Variants in LMNB2 observed in about 807,000 individuals in gnomAD.
LMNB2 encodes the protein lamin B2.
In LMNB2, 17 loss-of-function variants were observed where a neutral mutation model predicts 69.3. That is an observed-to-expected ratio of 0.25 (90% confidence interval 0.17 to 0.37). LMNB2 has a LOEUF of 0.37. LMNB2 is among the 10% of genes least tolerant of loss of function. LMNB2 has a pLI of 1.00. For synonymous variants in LMNB2, 397 were observed against 389.3 expected, an observed-to-expected ratio of 1.02 and a Z score of -0.23; for missense variants, 789 against 883.6, an observed-to-expected ratio of 0.89 and a Z score of 1.36.
intron 4 of LMNB2, among the ~76,000 whole-genome samples, chr19:2,435,554 G>C (rs1198684783): frequency 6.6e-6 from 1 of 152,188 alleles, no homozygotes; most frequent in East Asian, 1.9e-4. Context: ...GCTGGGGACT[G>C]CTGATGGGGA....
At chr19:2,434,255 C>A (rs1300730258) in intron 7 of LMNB2, 40 bp downstream of exon 7, 4 of 1,606,152 alleles carry the variant, frequency 2.5e-6, no homozygotes, top group Non-Finnish European at 3.4e-6. Context: ...CCTGCCCCTC[C>A]TCCTCACTCT....
rs931323854 is a variant in LMNB2, at chr19:2,429,491, G to A, written c.*1420C>T. On this transcript the variant is annotated 3_prime_UTR_variant, in exon 12 of 12. Transcript: ENST00000325327. ...TCGGCCGCTGGCTCCTTCCCGGCCT[G>A]GGGCTGGGGCCCCCCATTCCTTCCT... The A allele has an allele frequency of 6.6e-6, 1 of 152,262 alleles. No homozygotes were observed. Among genetic ancestry groups the A allele is most frequent in the Non-Finnish European group, 1.5e-5 (1 of 68,046 alleles). 9.4% of individuals were successfully genotyped at this position (152,262 alleles called of 1,614,324 possible). A position where few individuals can be genotyped will look rare whatever the true frequency, so the allele number is the denominator to read the frequency against.
At chr19:2,448,520 G>C (rs887557188) in intron 1 of LMNB2, among the ~76,000 whole-genome samples, 1 of 152,226 alleles carries the variant, frequency 6.6e-6, no homozygotes, top group African/African-American at 2.4e-5. Flanking sequence ...GGCATGCTGA[G>C]CACCCCCAGA....
intron 2 of LMNB2, among the ~76,000 whole-genome samples, chr19:2,440,973 G>C (rs114694981): frequency 0.031 from 4,673 of 152,292 alleles, 259 homozygotes; most frequent in African/African-American, 0.11. Flanking sequence ...TCCCTGCCTA[G>C]GATCCGTAAT....
At position 2,438,148 on chromosome 19, in the gene LMNB2, A is replaced by C. The variant is rs752623930; in HGVS notation, c.684+15T>G. On this transcript the variant is annotated intron_variant, in intron 4 of 11. Coordinates refer to ENST00000325327, the MANE Select transcript of LMNB2 (RefSeq NM_032737.4). Reference sequence around the variant, plus strand: ...TTTCCGCTGTGCCAGGCTGGAGGCCAGGCCACTCACTCACCTCCTCGAACA... The same window carrying C: ...TTTCCGCTGTGCCAGGCTGGAGGCCCGGCCACTCACTCACCTCCTCGAACA... 10 of 1,613,602 alleles carry C rather than the reference A, an allele frequency of 6.2e-6. No homozygotes were observed. The highest frequency in any genetic ancestry group is 8.5e-6 in the Non-Finnish European group (10 of 1,180,024).
In LMNB2 at chr19:2,434,492, A is replaced by T; in HGVS notation, c.1005T>A (p.Ile335=). 6.2e-7 allele frequency: 1 copy of T among 1,612,904 alleles called. No homozygotes were observed. The highest frequency in any genetic ancestry group is 1.3e-5 in the African/African-American group (1 of 75,026). ...CGGCCATGGCCTCCTCCAGCTCCCGAATGCGATCTTCAGCGGCACTGGCCT... is the reference window on the plus strand; with the variant it reads ...CGGCCATGGCCTCCTCCAGCTCCCGTATGCGATCTTCAGCGGCACTGGCCT... The part of the protein sequence containing the change: ...QKQASAAEDR[I]RELEEAMAGE... Residue 335 remains isoleucine, a synonymous_variant, in exon 7 of 12, where the codon ATT becomes ATA. Transcript: ENST00000325327.
chr19:2,432,795 A>C, intron 8 of LMNB2, among the ~76,000 whole-genome samples: 1 of 135,734 alleles, frequency 7.4e-6, no homozygotes, highest in African/African-American at 2.9e-5. Flanking sequence ...CCTGCCTCGC[A>C]TTGGCCGGCA....
rs541848131 is a variant in LMNB2, at chr19:2,446,785, G to A, written c.265-2245C>T. Among the ~76,000 whole-genome samples, 75 of 152,210 alleles carry A rather than the reference G, an allele frequency of 4.9e-4. No individual in the cohort carries two copies. In the South Asian group the frequency reaches 7.7e-3, roughly 16 times the overall value. On this transcript the variant is annotated intron_variant, in intron 1 of 11. Transcript: ENST00000325327. ...GAGTCACAGAGCCACCCTGTGACCC[G>A]GTAACTCCACTCCTGGGTGTGGACC...
chr19:2,441,531 C>T (rs1003959421), intron 2 of LMNB2, among the ~76,000 whole-genome samples: 12 of 152,226 alleles, frequency 7.9e-5, no homozygotes, highest in South Asian at 2.1e-4. Context: ...CAGAGGGCTG[C>T]GAGCCCTGCG....
At chr19:2,440,919 T>A (rs1486358968) in intron 2 of LMNB2, among the ~76,000 whole-genome samples, 1 of 152,226 alleles carries the variant, frequency 6.6e-6, no homozygotes, top group Non-Finnish European at 1.5e-5. Context: ...TCCTTCCTTG[T>A]GTGACCCGGG....
chr19:2,434,434 C>T lies in LMNB2; in HGVS notation c.1063G>A (p.Ala355Thr), dbSNP rs143717863. ...ATCTCCGTCATCTCCTGCTCCTTGG[C>T]GTCCAGCATCTTCCGGAACTTGTCC... ...ERDKFRKMLD[A>T]KEQEMTEMRD... The change falls in exon 7 of 12, where the codon GCC becomes ACC. Residue 355 changes from alanine to threonine, a missense_variant. This residue lies in a region of LMNB2 where 609 missense variants were observed against 630.9 expected (regional missense o/e 0.97). Coordinates refer to ENST00000325327, the MANE Select transcript of LMNB2 (RefSeq NM_032737.4). 111 of 1,613,364 alleles carry T rather than the reference C, an allele frequency of 6.9e-5. No individual in the cohort carries two copies. The highest frequency in any genetic ancestry group is 1.6e-4 in the Middle Eastern group (1 of 6,084).
rs149126950 is a variant in LMNB2 at position 2,431,864 on chromosome 19, G to A, written c.1629C>T (p.Pro543=). The A allele has an allele frequency of 3.3e-5, 53 of 1,612,892 alleles. No homozygotes were observed. In the African/African-American group the frequency reaches 5.9e-4, roughly 18 times the overall value. ...AAGAGVAHSP[P]STLVWKGQSS... Reference sequence around the variant, plus strand: ...TCTGGCCCTTCCACACCAGCGTCGAGGGGGGGCTGTGGGCCACCCCCGCAC... The same window carrying A: ...TCTGGCCCTTCCACACCAGCGTCGAAGGGGGGCTGTGGGCCACCCCCGCAC... Residue 543 remains proline, a synonymous_variant, in exon 10 of 12, where the codon CCC becomes CCT. Transcript: ENST00000325327.
rs375961613 is a variant in LMNB2 at position 2,438,505 on chromosome 19, G to A, written c.428C>T (p.Thr143Met). The stretch of plus-strand genomic sequence containing the variant: ...GTCCTTCACACGGCCCTGGGCCACC[G>A]TAAGCTCGCCCTCCCTCTTCTTGGC... The part of the protein sequence containing the change: ...KSAKKREGEL[T>M]VAQGRVKDLE... Residue 143 changes from threonine (T) to methionine (M), a missense_variant, in exon 3 of 12, where the codon ACG becomes ATG. Physicochemically the swap from Thr to Met is moderately conservative, Grantham distance 81. Around this residue, in one of 3 missense-constraint regions of LMNB2, gnomAD observed 145 missense variants for 228.9 expected, o/e 0.63. Transcript: ENST00000325327. 3.6e-5 allele frequency: 58 copies of A among 1,609,798 alleles called. 1 individual carries two copies. The East Asian group carries it at 4.0e-4, about 11-fold the overall frequency.
intron 1 of LMNB2, among the ~76,000 whole-genome samples, chr19:2,451,305 A>T (rs931081662): frequency 2.6e-5 from 4 of 152,218 alleles, no homozygotes; most frequent in African/African-American, 9.6e-5. Context: ...GGCAGATTCT[A>T]TGCACTTCAC....
chr19:2,435,237 G>T, intron 4 of LMNB2, 66 bp from the exon 5 acceptor site: 1 of 1,578,740 alleles, frequency 6.3e-7, no homozygotes, highest in Non-Finnish European at 8.6e-7. Flanking sequence ...CCAAGGGAGG[G>T]CTCAAAAATG....
At chr19:2,434,179 A>G (rs1599331647) in intron 7 of LMNB2, 74 bp from the exon 8 acceptor site, 1 of 1,540,186 alleles carries the variant, frequency 6.5e-7, no homozygotes. Context: ...AGTGGCGGCC[A>G]CGGCCCGGCC....
intron 2 of LMNB2, among the ~76,000 whole-genome samples, chr19:2,442,924 G>A (rs994976279): frequency 8.5e-5 from 13 of 152,174 alleles, no homozygotes; most frequent in Admixed American, 5.2e-4. Flanking sequence ...GTTGAGAGGC[G>A]CCTGGTGCGG....
chr19:2,437,298 G>C (rs1007974724), intron 4 of LMNB2: 1 of 152,558 alleles, frequency 6.6e-6, no homozygotes, highest in African/African-American at 2.4e-5. Flanking sequence ...GGTCAGGGAA[G>C]GAGGCTGGGT....
chr19:2,450,544 G>A (rs1972010684), intron 1 of LMNB2, among the ~76,000 whole-genome samples: 1 of 151,788 alleles, frequency 6.6e-6, no homozygotes, highest in Non-Finnish European at 1.5e-5. Context: ...ATGGGAGGCT[G>A]AGGCGGGCAG....
Sources: gnomAD v4.1 joint callset for allele counts (sites outside exome capture counted in the v4.1 genomes callset) on GRCh38, gnomAD v4.1.1 for gene constraint, gnomAD v4.1.1 regional missense constraint, MANE v1.5 for transcripts, NCBI Gene and HGNC (gene_info 2026-07-23, HGNC 2026-07-21) for gene names.